TM2D1: variants seen among roughly 807,000 people sequenced by gnomAD.
TM2D1 encodes the protein TM2 domain containing 1.
A neutral mutation model predicts 28.4 loss-of-function variants in TM2D1; 15 were observed. That is an observed-to-expected ratio of 0.53 (90% CI 0.35 to 0.81). The LOEUF is 0.81. Among genes scored for constraint, TM2D1 ranks in the 40% least tolerant of loss-of-function variants. The pLI is 0.01. For missense variants in TM2D1, 236 were observed against 254.9 expected (o/e 0.93, Z 0.50); for synonymous variants, 93 against 96.2 (o/e 0.97, Z 0.20).
At chr1:61,690,449 T>A in intron 5 of TM2D1, among the ~76,000 whole-genome samples, 1 of 79,894 alleles carries the variant, frequency 1.3e-5, no homozygotes, top group Admixed American at 2.3e-4. Context: ...AGGGCAAGAC[T>A]CAGTCTCAAA....
intron 5 of TM2D1, chr1:61,686,923 T>TA: frequency 1.0e-6 from 1 of 979,976 alleles, no homozygotes; most frequent in Non-Finnish European, 1.2e-6. Context: ...ACCCTGTCTC[T>TA]AAAAAAAGAA....
chr1:61,715,922 C>G (rs1456523359), intron 2 of TM2D1, among the ~76,000 whole-genome samples: 2 of 150,872 alleles, frequency 1.3e-5, no homozygotes, highest in Non-Finnish European at 2.9e-5. Context: ...CTGCCTCAGC[C>G]TCCCGAGTAG....
At chr1:61,708,037 T>A (rs953356732) in intron 3 of TM2D1, among the ~76,000 whole-genome samples, 3 of 152,148 alleles carry the variant, frequency 2.0e-5, no homozygotes, top group Non-Finnish European at 2.9e-5. Flanking sequence ...GAAAGAGAAA[T>A]CAAACTTAAA....
At chr1:61,683,281 T>G in intron 6 of TM2D1, 136 bp downstream of exon 6, 1 of 342,642 alleles carries the variant, frequency 2.9e-6, no homozygotes. Flanking sequence ...TTCAAAGGAT[T>G]GGAGATGTTT....
chr1:61,717,166 G>A (rs1570127797), intron 2 of TM2D1, among the ~76,000 whole-genome samples: 2 of 151,660 alleles, frequency 1.3e-5, no homozygotes, highest in South Asian at 4.2e-4. Context: ...GGCTAACACG[G>A]TGAAACCCCT....
rs1158899965 is a variant in TM2D1 at position 61,701,175 on chromosome 1, T to C, written c.348-150A>G. 6 of 588,020 alleles carry C rather than the reference T, an allele frequency of 1.0e-5. 1 individual carries two copies. The Admixed American group carries it at 1.3e-4, about 13-fold the overall frequency. The allele number at this position is 588,020 out of a possible 1,614,324, so 36.4% of individuals were successfully genotyped here. A position where few individuals can be genotyped will look rare whatever the true frequency, so the allele number is the denominator to read the frequency against. The stretch of plus-strand genomic sequence containing the variant: ...GTGTGTCAGGCACTATTCTAGGCTA[T>C]TGGAATATATTAATGAATAAAAGCA... On this transcript the variant is annotated intron_variant, in intron 3 of 6. Transcript: ENST00000606498.
chr1:61,702,345 TAA>T (rs1644408161), intron 3 of TM2D1, among the ~76,000 whole-genome samples: 1 of 151,484 alleles, frequency 6.6e-6, no homozygotes, highest in South Asian at 2.1e-4. Context: ...ATAAAGATGG[TAA>T]TATATTGATG....
chr1:61,708,927 G>A (rs944449026), intron 3 of TM2D1, among the ~76,000 whole-genome samples: 1 of 151,970 alleles, frequency 6.6e-6, no homozygotes, highest in African/African-American at 2.4e-5. Context: ...CACTTTGAGA[G>A]GCCGAGATGG....
chr1:61,711,059 G>A (rs767989937), intron 2 of TM2D1, among the ~76,000 whole-genome samples: 2 of 152,118 alleles, frequency 1.3e-5, no homozygotes, highest in African/African-American at 2.4e-5. Context: ...GTCGGGCGCG[G>A]TGGCTCAATG....
At chr1:61,701,457 T>C (rs965192125) in intron 3 of TM2D1, among the ~76,000 whole-genome samples, 4 of 151,914 alleles carry the variant, frequency 2.6e-5, no homozygotes, top group Non-Finnish European at 4.4e-5. Flanking sequence ...GGCCATGCCA[T>C]GCTTCTGAGG....
At chr1:61,719,361 T>A (rs1644544028) in intron 2 of TM2D1, among the ~76,000 whole-genome samples, 1 of 151,900 alleles carries the variant, frequency 6.6e-6, no homozygotes, top group Non-Finnish European at 1.5e-5. Flanking sequence ...GGAACATCTC[T>A]ACAGAAAAAC....
chr1:61,725,068 CTG>C lies in TM2D1; in HGVS notation c.51_52del (p.Arg18ThrfsTer29), dbSNP rs748398199. The stretch of plus-strand genomic sequence containing the variant: ...GACGAACCACAGGACACCAACGAGT[CTG>C]GCCGTCACGGCCTCCGGAGCAGACG... On this transcript the variant is annotated frameshift_variant, in exon 1 of 7. Transcript: ENST00000606498. LOFTEE classifies it high-confidence loss of function. 6.2e-7 allele frequency: 1 copy of C among 1,613,938 alleles called. No homozygotes were observed. The highest frequency in any genetic ancestry group is 8.5e-7 in the Non-Finnish European group (1 of 1,179,906).
At chr1:61,724,670 C>T (rs1644592020) in intron 1 of TM2D1, among the ~76,000 whole-genome samples, 1 of 151,922 alleles carries the variant, frequency 6.6e-6, no homozygotes, top group Non-Finnish European at 1.5e-5. Context: ...TCAGGATCTA[C>T]ATGTTTTACT....
intron 5 of TM2D1, chr1:61,686,864 A>G: frequency 1.1e-6 from 1 of 946,888 alleles, no homozygotes; most frequent in Non-Finnish European, 1.3e-6. Context: ...TCGAGGCTGC[A>G]ATGAGTTATG....
rs1644446729 is a variant in TM2D1, at chr1:61,707,038, T to C, written c.347+2291A>G. 2.0e-5 allele frequency among the ~76,000 whole-genome samples: 3 copies of C among 152,248 alleles called. No homozygotes were observed. The South Asian group carries it at 6.2e-4, about 32-fold the overall frequency. On this transcript the variant is annotated intron_variant, in intron 3 of 6. Transcript: ENST00000606498. ...GAGAGCCCGAGGCGGGCTGATCGCT[T>C]GAGCCCAGAAGTTTGAGACCAGCCT... is the stretch of plus-strand genomic sequence containing the variant.
chr1:61,715,030 C>T (rs57283761), intron 2 of TM2D1, among the ~76,000 whole-genome samples: 2,928 of 152,144 alleles, frequency 0.019, 113 homozygotes, highest in African/African-American at 0.065. Context: ...GAAAGAGGTA[C>T]CATCGTGACG....
In TM2D1 at chr1:61,714,402, A is replaced by G. The variant is rs1192505466; in HGVS notation, c.239-4965T>C. Among the ~76,000 whole-genome samples the G allele has an allele frequency of 3.9e-5, 6 of 151,932 alleles. No individual in the cohort carries two copies. The South Asian group carries it at 8.3e-4, about 21-fold the overall frequency. ...CTAAAAATAGAAAAATCAGCCGGGCATGCTGGCCTGTGCCAGTAATCCCAG... is the reference window on the plus strand; with the variant it reads ...CTAAAAATAGAAAAATCAGCCGGGCGTGCTGGCCTGTGCCAGTAATCCCAG... On this transcript the variant is annotated intron_variant, in intron 2 of 6. Coordinates refer to ENST00000606498, the MANE Select transcript of TM2D1 (RefSeq NM_032027.3).
intron 2 of TM2D1, among the ~76,000 whole-genome samples, chr1:61,719,096 G>T (rs976817544): frequency 1.3e-5 from 2 of 152,008 alleles, no homozygotes; most frequent in South Asian, 2.1e-4. Flanking sequence ...TGGAGACAGG[G>T]TCTTGCTCTG....
At chr1:61,691,936 T>TATATATATATAG (rs1644330022) in intron 5 of TM2D1, among the ~76,000 whole-genome samples, 1 of 78,814 alleles carries the variant, frequency 1.3e-5, no homozygotes, top group Non-Finnish European at 2.3e-5. Context: ...AAAAAAAATA[T>TATATATATATAG]ATATATATAT....
Sources: allele counts gnomAD v4.1 joint callset (sites outside exome capture counted in the v4.1 genomes callset), GRCh38; gene constraint gnomAD v4.1.1; transcripts MANE v1.5; gene names NCBI Gene and HGNC (gene_info 2026-07-23, HGNC 2026-07-21).